The following SAMD3 variants were observed in gnomAD, a reference collection of about 807,000 sequenced individuals.
SAMD3 encodes sterile alpha motif domain containing 3, also known as sterile alpha motif domain-containing protein 3.
SAMD3 carries 63 observed loss-of-function variants against 58.5 expected under a neutral mutation model. The ratio of observed to expected loss-of-function variants is 1.08; its 90% CI spans 0.88 to 1.33. The LOEUF (loss-of-function observed/expected upper bound fraction) is 1.33, where lower values mean the gene tolerates loss of function less well. Ranked by LOEUF, SAMD3 falls within the 40% of genes most tolerant of loss-of-function variation. The pLI is 0.00. For missense variants in SAMD3, 604 were observed against 608.4 expected, an observed-to-expected ratio of 0.99 and a Z score of 0.08; for synonymous variants, 220 against 210.3, an observed-to-expected ratio of 1.05 and a Z score of -0.40.
intron 2 of SAMD3, among the ~76,000 whole-genome samples, chr6:130,288,131 G>T (rs191546232): frequency 1.3e-5 from 2 of 152,260 alleles, no homozygotes; most frequent in Admixed American, 1.3e-4. Context: ...ATGTGTATGA[G>T]TCAGAGTACT....
intron 2 of SAMD3, among the ~76,000 whole-genome samples, chr6:130,308,066 C>G (rs1296884656): frequency 2.0e-5 from 3 of 152,224 alleles, no homozygotes; most frequent in African/African-American, 7.2e-5. Context: ...CCATATAATC[C>G]TGGAAGGTTT....
intron 4 of SAMD3, among the ~76,000 whole-genome samples, chr6:130,210,614 G>T (rs906898805): frequency 4.6e-4 from 69 of 150,782 alleles, no homozygotes; most frequent in African/African-American, 1.7e-3. Context: ...AAAAAAAAAG[G>T]TCAGGTATAA....
intron 2 of SAMD3, among the ~76,000 whole-genome samples, chr6:130,291,997 T>C (rs923683667): frequency 6.6e-6 from 1 of 152,208 alleles, no homozygotes; most frequent in Non-Finnish European, 1.5e-5. Flanking sequence ...AGGTCAGTTA[T>C]GTGACCTTTA....
intron 2 of SAMD3, among the ~76,000 whole-genome samples, chr6:130,230,658 G>T (rs1358898511): frequency 6.6e-6 from 1 of 152,180 alleles, no homozygotes. Context: ...AAAGTGCTGG[G>T]ATTACAGGCA....
intron 4 of SAMD3, among the ~76,000 whole-genome samples, chr6:130,213,099 A>C (rs1239906774): frequency 4.6e-5 from 7 of 152,298 alleles, no homozygotes; most frequent in Middle Eastern, 3.4e-3. Context: ...CCTGGGCAAC[A>C]CAGTGAAACC....
chr6:130,337,822 T>C (rs1186198425), intron 1 of SAMD3, among the ~76,000 whole-genome samples: 1 of 152,204 alleles, frequency 6.6e-6, no homozygotes, highest in Non-Finnish European at 1.5e-5. Flanking sequence ...AGAGATGATC[T>C]GAAATTGGAA....
At chr6:130,167,308 A>G (rs1011334081) in intron 8 of SAMD3, among the ~76,000 whole-genome samples, 1 of 152,200 alleles carries the variant, frequency 6.6e-6, no homozygotes, top group African/African-American at 2.4e-5. Flanking sequence ...ATGGTTTCCT[A>G]CAGTCAGAGG....
chr6:130,272,991 T>A (rs1443861843), intron 2 of SAMD3, among the ~76,000 whole-genome samples: 1 of 152,180 alleles, frequency 6.6e-6, no homozygotes, highest in Non-Finnish European at 1.5e-5. Context: ...GGAGTTTTTT[T>A]ATTTATTTGG....
chr6:130,168,572 C>A (rs996149105), intron 8 of SAMD3, among the ~76,000 whole-genome samples: 2 of 152,152 alleles, frequency 1.3e-5, no homozygotes, highest in Non-Finnish European at 2.9e-5. Flanking sequence ...AAAATCTCTT[C>A]CTCTATTTAT....
chr6:130,179,292 C>T (rs1049961550), intron 7 of SAMD3, among the ~76,000 whole-genome samples: 12 of 152,132 alleles, frequency 7.9e-5, no homozygotes, highest in South Asian at 2.1e-4. Flanking sequence ...CTTACGCAGA[C>T]GCCTCAGGTA....
At chr6:130,274,762 T>G (rs1167073188) in intron 2 of SAMD3, among the ~76,000 whole-genome samples, 1 of 151,986 alleles carries the variant, frequency 6.6e-6, no homozygotes, top group Non-Finnish European at 1.5e-5. Context: ...CTTTTTTTTT[T>G]TTGGTGTTTC....
chr6:130,182,839 C>T (rs1357492409), intron 7 of SAMD3: 1 of 152,276 alleles, frequency 6.6e-6, no homozygotes, highest in East Asian at 1.9e-4. Context: ...CAGTAAAGCA[C>T]AAAAAGACAT....
At chr6:130,346,165 T>G (rs1193180905) in intron 1 of SAMD3, among the ~76,000 whole-genome samples, 1 of 152,160 alleles carries the variant, frequency 6.6e-6, no homozygotes, top group Non-Finnish European at 1.5e-5. Flanking sequence ...GATGGGTGAT[T>G]TCTGCATTTC....
chr6:130,360,487 T>C (rs1777953325), intron 1 of SAMD3, among the ~76,000 whole-genome samples: 1 of 152,176 alleles, frequency 6.6e-6, no homozygotes, highest in Non-Finnish European at 1.5e-5. Flanking sequence ...ATTAGGGACT[T>C]TCAAAGAGGA....
downstream of SAMD3, chr6:130,143,200 G>T (rs1279356938): frequency 6.6e-6 from 1 of 152,230 alleles, no homozygotes; most frequent in Non-Finnish European, 1.5e-5. Context: ...GAGATGGGTA[G>T]TGTAAAACTA....
chr6:130,148,705 CTACAAAAAA>C (rs1344443509), intron 9 of SAMD3, among the ~76,000 whole-genome samples: 2 of 152,146 alleles, frequency 1.3e-5, no homozygotes, highest in Admixed American at 1.3e-4. Flanking sequence ...AAATCTGTCT[CTACAAAAAA>C]TACAAAAATT....
At chr6:130,165,385 AAAC>A (rs1359427354) in intron 8 of SAMD3, among the ~76,000 whole-genome samples, 1 of 152,146 alleles carries the variant, frequency 6.6e-6, no homozygotes, top group Non-Finnish European at 1.5e-5. Flanking sequence ...AAACAAAACA[AAAC>A]AAAAACCAAC....
At chr6:130,342,645 T>A (rs1777308609) in intron 1 of SAMD3, among the ~76,000 whole-genome samples, 1 of 152,172 alleles carries the variant, frequency 6.6e-6, no homozygotes, top group South Asian at 2.1e-4. Context: ...TCTTTAATTA[T>A]AACTAAAACA....
chr6:130,219,040 G>A lies in SAMD3; in HGVS notation c.-67-2424C>T, dbSNP rs115866760. 5.4e-3 allele frequency among the ~76,000 whole-genome samples: 822 copies of A among 152,252 alleles called. 11 individuals are homozygous for A. The highest frequency in any genetic ancestry group is 0.019 in the African/African-American group (785 of 41,538). The stretch of plus-strand genomic sequence containing the variant: ...GCTGAGTCAAATAAATGACAGAAAA[G>A]CATTCTTTCTTGAAGCAAATTGTGT... On this transcript the variant is annotated intron_variant, in intron 1 of 11. Transcript: ENST00000439090.
Sources: gnomAD v4.1 joint callset for allele counts (sites outside exome capture counted in the v4.1 genomes callset) on GRCh38, gnomAD v4.1.1 for gene constraint, MANE v1.5 for transcripts, NCBI Gene and HGNC (gene_info 2026-07-23, HGNC 2026-07-21) for gene names.